PBLD: variants seen among roughly 807,000 people sequenced by gnomAD.
PBLD encodes phenazine biosynthesis-like domain-containing protein.
Under a neutral mutation model 31.3 loss-of-function variants are expected in PBLD, and 26 were observed. The observed-to-expected ratio is 0.83, with a 90% CI of 0.61 to 1.15. The LOEUF (loss-of-function observed/expected upper bound fraction) is 1.15, where lower values mean the gene tolerates loss of function less well. PBLD is among the 50% of genes most tolerant of loss of function. The pLI, the probability that PBLD is intolerant of heterozygous loss-of-function variation, is 0.00. For synonymous variants in PBLD, 114 were observed against 129.0 expected (o/e 0.88, Z 0.79); for missense variants, 307 against 351.7 (o/e 0.87, Z 1.02).
In PBLD at chr10:68,303,521, G is replaced by A. The variant is rs144712792; in HGVS notation, c.84+3240C>T. On this transcript the variant is annotated intron_variant, in intron 2 of 9. Coordinates refer to ENST00000358769, the MANE Select transcript of PBLD (RefSeq NM_022129.4). The stretch of plus-strand genomic sequence containing the variant: ...AAAAATTTAAAAATGTCAGCCGGGC[G>A]TGGTGACTCACACCTGTAATCCCAG... 1.3e-4 allele frequency among the ~76,000 whole-genome samples: 20 copies of A among 151,684 alleles called. No individual in the cohort carries two copies. The East Asian group carries it at 2.1e-3, about 16-fold the overall frequency.
rs2044437178 is a variant in PBLD, at chr10:68,296,913, G to C, written c.157C>G (p.Leu53Val). 1.2e-6 allele frequency: 2 copies of C among 1,613,752 alleles called. No homozygotes were observed. Among genetic ancestry groups the C allele is most frequent in the South Asian group, 2.2e-5 (2 of 91,072 alleles). The stretch of plus-strand genomic sequence containing the variant: ...TGTGCAAAGTTGTCTGTCGGGTGCA[G>C]TTTTCGGATAAAAGCAGTTTCAGAG... ...NLSETAFIRK[L>V]HPTDNFAQSS... Residue 53 changes from leucine to valine, a missense_variant, in exon 3 of 10, where the codon CTG (leucine) becomes GTG (valine). By Grantham distance (32) the Leu-to-Val change is conservative. Coordinates refer to ENST00000358769, the MANE Select transcript of PBLD (RefSeq NM_022129.4).
chr10:68,320,391 T>C (rs1268769839), intron 1 of PBLD, among the ~76,000 whole-genome samples: 1 of 152,134 alleles, frequency 6.6e-6, no homozygotes, highest in East Asian at 1.9e-4. Context: ...ACTGATAGAA[T>C]TAAAAGGAGA....
At chr10:68,329,605 A>T (rs2044979312) in intron 1 of PBLD, among the ~76,000 whole-genome samples, 1 of 150,340 alleles carries the variant, frequency 6.7e-6, no homozygotes, top group African/African-American at 2.4e-5. Context: ...TAATACAGCA[A>T]TTTTTTTTTT....
chr10:68,287,505 G>A (rs2044303882), intron 8 of PBLD: 1 of 152,292 alleles, frequency 6.6e-6, no homozygotes, highest in Admixed American at 6.5e-5. Flanking sequence ...GAGAGTAACT[G>A]AGCCATCCAG....
intron 9 of PBLD, chr10:68,285,097 T>C (rs921830541): frequency 4.2e-5 from 55 of 1,312,022 alleles, no homozygotes; most frequent in Non-Finnish European, 5.0e-5. Context: ...TATACAGCTA[T>C]TTTATTCAAC....
chr10:68,300,088 A>G (rs10998056), intron 2 of PBLD, among the ~76,000 whole-genome samples: 119,435 of 151,672 alleles, frequency 0.79, 47,652 homozygotes, highest in Non-Finnish European at 0.86. Context: ...ATGGAGTTTC[A>G]CCATGTTGCC....
intron 4 of PBLD, chr10:68,295,992 C>G (rs1278824152): frequency 2.3e-5 from 6 of 260,016 alleles, no homozygotes; most frequent in Non-Finnish European, 2.9e-5. Flanking sequence ...AAATGGTTGT[C>G]AAATTCTTTG....
intron 1 of PBLD, among the ~76,000 whole-genome samples, chr10:68,328,730 G>A (rs1206948213): frequency 6.6e-6 from 1 of 152,006 alleles, no homozygotes; most frequent in African/African-American, 2.4e-5. Flanking sequence ...GATCACTGGA[G>A]CAGTGGTGAG....
chr10:68,289,113 T>C (rs2044324969), intron 6 of PBLD, 94 bp from the exon 7 acceptor site: 2 of 932,592 alleles, frequency 2.1e-6, no homozygotes, highest in African/African-American at 3.3e-5. Flanking sequence ...GAGCATCCAC[T>C]GTGAGCCAAG....
Position 68,289,031 on chromosome 10 carries a change from G to A in PBLD, c.424-12C>T. 1 of 1,606,992 alleles carries A rather than the reference G, an allele frequency of 6.2e-7. No homozygotes were observed. The highest frequency in any genetic ancestry group is 1.7e-5 in the Admixed American group (1 of 59,854). Reference sequence around the variant, plus strand: ...TTGCCTATGGCAGTCTGTGGAGACAGACCAAAAACTCCTCAGGGACATGCC... The same window carrying A: ...TTGCCTATGGCAGTCTGTGGAGACAAACCAAAAACTCCTCAGGGACATGCC... On this transcript the variant is annotated splice_polypyrimidine_tract_variant and intron_variant, in intron 6 of 9. Coordinates refer to ENST00000358769, the MANE Select transcript of PBLD (RefSeq NM_022129.4).
At chr10:68,296,210 TAA>T (rs796731411) in intron 4 of PBLD, 54 bp downstream of exon 4, 838 of 1,102,894 alleles carry the variant, frequency 7.6e-4, no homozygotes, top group South Asian at 9.9e-4. Flanking sequence ...TGTGAGAACT[TAA>T]AAAAAAAAAA....
chr10:68,288,740 G>A, intron 7 of PBLD, 79 bp from the exon 8 acceptor site: 1 of 1,482,920 alleles, frequency 6.7e-7, no homozygotes, highest in Non-Finnish European at 9.3e-7. Flanking sequence ...AGCAGGCCAG[G>A]GTGCAGCTTG....
intron 2 of PBLD, among the ~76,000 whole-genome samples, chr10:68,305,324 G>T (rs1458322964): frequency 1.4e-5 from 2 of 147,926 alleles, no homozygotes; most frequent in Non-Finnish European, 3.0e-5. Flanking sequence ...TGTTGGCCAG[G>T]TTGGACTCTG....
intron 1 of PBLD, among the ~76,000 whole-genome samples, chr10:68,319,418 C>T (rs2044798601): frequency 6.6e-6 from 1 of 152,220 alleles, no homozygotes; most frequent in Non-Finnish European, 1.5e-5. Context: ...CATAGTGACT[C>T]AGGCCTGTAA....
chr10:68,296,862 T>TA (rs60698417), intron 3 of PBLD, 24 bp downstream of exon 3: 111,457 of 1,051,224 alleles, frequency 0.11, 650 homozygotes, highest in East Asian at 0.26. Context: ...GAACAGTTCT[T>TA]AAAAAAAAAA....
At chr10:68,285,834 C>G (rs1362526367) in intron 8 of PBLD, among the ~76,000 whole-genome samples, 1 of 151,950 alleles carries the variant, frequency 6.6e-6, no homozygotes, top group Non-Finnish European at 1.5e-5. Flanking sequence ...GTGCATGTCA[C>G]CATGCCTGGC....
chr10:68,300,154 G>T (rs767283028), intron 2 of PBLD, among the ~76,000 whole-genome samples: 59 of 152,134 alleles, frequency 3.9e-4, no homozygotes, highest in Non-Finnish European at 3.4e-4. Flanking sequence ...GCCTCCCAAA[G>T]TGCTAGAACT....
chr10:68,291,220 T>G (rs2044353893), intron 6 of PBLD, among the ~76,000 whole-genome samples: 1 of 152,212 alleles, frequency 6.6e-6, no homozygotes, highest in Admixed American at 6.5e-5. Flanking sequence ...AGAACCTTCA[T>G]GGGACAACTG....
At chr10:68,288,368 C>A (rs972534177) in intron 8 of PBLD, 115 bp downstream of exon 8, 2 of 1,119,150 alleles carry the variant, frequency 1.8e-6, no homozygotes, top group Non-Finnish European at 2.5e-6. Flanking sequence ...GATAGAGGAA[C>A]AAGGCAGCTC....
Sources: gnomAD v4.1 joint callset for allele counts (sites outside exome capture counted in the v4.1 genomes callset) on GRCh38, gnomAD v4.1.1 for gene constraint, MANE v1.5 for transcripts, NCBI Gene and HGNC (gene_info 2026-07-23, HGNC 2026-07-21) for gene names.